Variants in GATB observed in about 807,000 individuals in gnomAD.
GATB encodes glutamyl-tRNA amidotransferase subunit B, also known as glutamyl-tRNA(Gln) amidotransferase subunit B, mitochondrial.
In GATB, 39 loss-of-function variants were observed where a neutral mutation model predicts 62.3. The observed-to-expected ratio is 0.63, with a 90% CI of 0.48 to 0.82. The LOEUF is 0.82. GATB is among the 40% of genes least tolerant of loss of function. The pLI is 0.00. For missense variants in GATB, 670 were observed against 684.0 expected (o/e 0.98, Z 0.23); for synonymous variants, 276 against 258.9 (o/e 1.07, Z -0.63).
chr4:151,705,022 C>T (rs1738686639), intron 7 of GATB, among the ~76,000 whole-genome samples, 163 bp downstream of exon 7: 1 of 152,198 alleles, frequency 6.6e-6, no homozygotes, highest in South Asian at 2.1e-4. Context: ...GCTGGGATTA[C>T]AGGCATGAAG....
In GATB at chr4:151,742,553, G is replaced by A. The variant is rs564531373; in HGVS notation, c.327+16219C>T. Among the ~76,000 whole-genome samples the A allele has an allele frequency of 1.9e-3, 294 of 152,208 alleles. 1 individual carries two copies. The highest frequency in any genetic ancestry group is 7.0e-3 in the African/African-American group (291 of 41,522). Reference sequence around the variant, plus strand: ...TCAGCCAGATTATAGATTTTGGTGGGTGGCAATGGGACAGGGGGTATGGGA... The same window carrying A: ...TCAGCCAGATTATAGATTTTGGTGGATGGCAATGGGACAGGGGGTATGGGA... On this transcript the variant is annotated intron_variant, in intron 2 of 12. Coordinates refer to ENST00000263985, the MANE Select transcript of GATB (RefSeq NM_004564.3).
At chr4:151,748,820 AAAAC>A (rs1032201087) in intron 2 of GATB, among the ~76,000 whole-genome samples, 1 of 152,044 alleles carries the variant, frequency 6.6e-6, no homozygotes, top group Non-Finnish European at 1.5e-5. Context: ...TTACAAGAAA[AAAAC>A]AACCCCATCA....
At chr4:151,747,415 C>T (rs1350610988) in intron 2 of GATB, among the ~76,000 whole-genome samples, 1 of 152,204 alleles carries the variant, frequency 6.6e-6, no homozygotes, top group Admixed American at 6.5e-5. Context: ...GACCCTGTGC[C>T]TGGCTTGGAT....
intron 1 of GATB, among the ~76,000 whole-genome samples, chr4:151,759,590 A>ATGCTT (rs1304953778): frequency 6.6e-6 from 1 of 152,086 alleles, no homozygotes; most frequent in Non-Finnish European, 1.5e-5. Flanking sequence ...CTGAGACCTA[A>ATGCTT]TTTCAGGTTA....
intron 9 of GATB, among the ~76,000 whole-genome samples, chr4:151,697,967 A>ATATATGTG (rs1553967157): frequency 8.8e-5 from 9 of 101,818 alleles, no homozygotes; most frequent in Admixed American, 2.9e-4. Flanking sequence ...ATATATATAT[A>ATATATGTG]TATATATATA....
chr4:151,757,018 G>A (rs1025443867), intron 2 of GATB, among the ~76,000 whole-genome samples: 7 of 152,026 alleles, frequency 4.6e-5, no homozygotes, highest in Non-Finnish European at 1.0e-4. Context: ...AATCTGGAAG[G>A]GAAAATGTAG....
At chr4:151,679,764 T>C (rs1738096853) in intron 11 of GATB, 49 bp downstream of exon 11, 2 of 1,507,068 alleles carry the variant, frequency 1.3e-6, no homozygotes, top group Non-Finnish European at 1.8e-6. Flanking sequence ...ACAGAAAACA[T>C]TTCTTGGGAC....
At chr4:151,719,769 C>T in intron 2 of GATB, 1 of 368,632 alleles carries the variant, frequency 2.7e-6, no homozygotes, top group Non-Finnish European at 4.9e-6. Context: ...ACTTAAGGAA[C>T]TGCCACATCG....
intron 10 of GATB, among the ~76,000 whole-genome samples, chr4:151,680,411 G>A (rs1332902166): frequency 1.3e-5 from 2 of 151,826 alleles, no homozygotes; most frequent in African/African-American, 2.4e-5. Context: ...CCATCCTCAG[G>A]AACCTGATAC....
intron 9 of GATB, among the ~76,000 whole-genome samples, chr4:151,694,977 A>G (rs558996123): frequency 6.6e-6 from 1 of 152,326 alleles, no homozygotes; most frequent in South Asian, 2.1e-4. Context: ...TGATTTTAAA[A>G]GTGGAAGAAC....
intron 5 of GATB, among the ~76,000 whole-genome samples, chr4:151,712,779 G>A (rs568075398): frequency 3.3e-5 from 5 of 152,282 alleles, no homozygotes; most frequent in African/African-American, 1.2e-4. Context: ...GGCTGTTTTC[G>A]AGGCCCTGTC....
chr4:151,722,024 A>G, intron 2 of GATB: 1 of 590,736 alleles, frequency 1.7e-6, no homozygotes, highest in Admixed American at 3.1e-5. Context: ...TCAGAATTAT[A>G]AGCATCAGTC....
intron 10 of GATB, among the ~76,000 whole-genome samples, chr4:151,686,130 T>C (rs988709827): frequency 2.2e-4 from 34 of 152,094 alleles, no homozygotes; most frequent in African/African-American, 8.0e-4. Context: ...GGTGCTCTGG[T>C]ATTCAGCACA....
intron 11 of GATB, chr4:151,677,686 G>T (rs1202282234): frequency 6.6e-6 from 1 of 152,222 alleles, no homozygotes; most frequent in Non-Finnish European, 1.5e-5. Context: ...TGGTGAAGGG[G>T]CTTGGCAGAC....
chr4:151,678,099 AAAAG>A (rs1255246216), intron 11 of GATB, among the ~76,000 whole-genome samples: 1 of 152,142 alleles, frequency 6.6e-6, no homozygotes, highest in Non-Finnish European at 1.5e-5. Context: ...AAACAGAAAA[AAAAG>A]GTAGAAAAAC....
chr4:151,704,225 T>C (rs11728541), intron 7 of GATB, among the ~76,000 whole-genome samples: 20,512 of 152,160 alleles, frequency 0.13, 1,564 homozygotes, highest in African/African-American at 0.2. Context: ...CCAAGTTATC[T>C]AAACAAAAAT....
chr4:151,740,342 A>G (rs1739459124), intron 2 of GATB, among the ~76,000 whole-genome samples: 1 of 152,200 alleles, frequency 6.6e-6, no homozygotes, highest in South Asian at 2.1e-4. Flanking sequence ...CCTGGATGGG[A>G]CAGCCCTCTA....
intron 12 of GATB, among the ~76,000 whole-genome samples, chr4:151,671,674 CCTCT>C (rs1339581367): frequency 2.0e-5 from 3 of 152,248 alleles, no homozygotes; most frequent in South Asian, 4.2e-4. Flanking sequence ...AGTGAGGACA[CCTCT>C]CTGATTCTCA....
intron 2 of GATB, among the ~76,000 whole-genome samples, chr4:151,754,648 T>C (rs1039702407): frequency 6.6e-6 from 1 of 151,930 alleles, no homozygotes; most frequent in African/African-American, 2.4e-5. Context: ...TAAGTGACAA[T>C]CCTAATTTTT....
Sources: allele counts gnomAD v4.1 joint callset (sites outside exome capture counted in the v4.1 genomes callset), GRCh38; gene constraint gnomAD v4.1.1; transcripts MANE v1.5; gene names NCBI Gene and HGNC (gene_info 2026-07-23, HGNC 2026-07-21).